Variants in BRD9 observed in about 807,000 individuals in gnomAD.
BRD9 encodes the protein bromodomain containing 9, also known as bromodomain-containing protein 9.
A neutral mutation model predicts 68.7 loss-of-function variants in BRD9; 47 were observed. That is an observed-to-expected ratio of 0.68 (90% CI 0.54 to 0.87). The LOEUF is 0.87. Ranked by LOEUF, BRD9 falls within the 40% of genes least tolerant of loss-of-function variation. The pLI, the probability that BRD9 is intolerant of heterozygous loss-of-function variation, is 0.00. For missense variants in BRD9, 670 were observed against 748.4 expected (o/e 0.90, Z 1.22); for synonymous variants, 313 against 293.9 (o/e 1.06, Z -0.67).
At chr5:877,464 C>T (rs1186906968) in intron 11 of BRD9, among the ~76,000 whole-genome samples, 1 of 152,184 alleles carries the variant, frequency 6.6e-6, no homozygotes, top group African/African-American at 2.4e-5. Flanking sequence ...ATTTTTAAAA[C>T]ATATTCTGCA....
intron 15 of BRD9, 68 bp from the exon 16 acceptor site, chr5:864,636 G>T: frequency 7.0e-7 from 1 of 1,433,628 alleles, no homozygotes; most frequent in Non-Finnish European, 9.7e-7. Flanking sequence ...GGCTCCTGGA[G>T]CCCAAGGTCT....
chr5:878,123 C>A (rs1751240262), intron 11 of BRD9, among the ~76,000 whole-genome samples: 1 of 152,208 alleles, frequency 6.6e-6, no homozygotes, highest in Admixed American at 6.5e-5. Flanking sequence ...CCCCCAACCC[C>A]TTCACAAGCT....
intron 8 of BRD9, chr5:883,663 AGCCTGCAGCAGG>A (rs1032182354): frequency 1.9e-6 from 1 of 528,266 alleles, no homozygotes; most frequent in Non-Finnish European, 3.4e-6. Context: ...AGAAAGGATT[AGCCTGCAGCAGG>A]GCCTCCATCA....
rs561178850 is a variant in BRD9 at position 873,685 on chromosome 5, G to A, written c.1384-2121C>T. 2.6e-4 allele frequency among the ~76,000 whole-genome samples: 39 copies of A among 152,242 alleles called. 1 individual carries two copies. In the South Asian group the frequency reaches 5.0e-3, roughly 19 times the overall value. The stretch of plus-strand genomic sequence containing the variant: ...TGCTTGGCGCCCTGCAAATACACAC[G>A]TCCTTTCTATGACAAAACCTCGGCA... On this transcript the variant is annotated intron_variant, in intron 12 of 15. Transcript: ENST00000467963.
At position 865,517 on chromosome 5, in the gene BRD9, G is replaced by C. The variant is rs1177156181; in HGVS notation, c.1590C>G (p.Leu530=). 1 of 1,607,672 alleles carries C rather than the reference G, an allele frequency of 6.2e-7. No homozygotes were observed. The highest frequency in any genetic ancestry group is 2.2e-5 in the East Asian group (1 of 44,834). The change falls in exon 15 of 16, where the codon CTC becomes CTG. Residue 530 remains leucine, a synonymous_variant. Coordinates refer to ENST00000467963, the MANE Select transcript of BRD9 (RefSeq NM_023924.5). ...CCTGTGCTTCGTGCAGGTCCTGCAG[G>C]AGCTTCGTCGTCTCATCCAAGTTCA... is the stretch of plus-strand genomic sequence containing the variant. ...SHLNLDETTK[L]LQDLHEAQAE...
intron 5 of BRD9, 88 bp from the exon 6 acceptor site, chr5:887,559 A>G (rs1239259896): frequency 9.2e-6 from 9 of 973,570 alleles, no homozygotes; most frequent in Admixed American, 1.9e-5. Context: ...ACCAAAAGGA[A>G]AAAGCTACAA....
chr5:883,928 A>G lies in BRD9; in HGVS notation c.966+10T>C. 1 of 1,607,884 alleles carries G rather than the reference A, an allele frequency of 6.2e-7. No homozygotes were observed. The highest frequency in any genetic ancestry group is 8.5e-7 in the Non-Finnish European group (1 of 1,178,394). On this transcript the variant is annotated intron_variant, in intron 8 of 15. Transcript: ENST00000467963. ...CGTGGCACCCTCTCTCGGTGGCCAC[A>G]GAGCACTACCTTGCCGCCTGGGAGG...
At chr5:890,017 G>A (rs1274061511) in intron 3 of BRD9, 1 of 342,050 alleles carries the variant, frequency 2.9e-6, no homozygotes, top group East Asian at 7.5e-5. Flanking sequence ...TTTCACTTGA[G>A]GTCCCTTAAA....
chr5:887,568 A>G (rs1560927101), intron 5 of BRD9, 97 bp from the exon 6 acceptor site: 1 of 906,040 alleles, frequency 1.1e-6, no homozygotes, highest in East Asian at 2.4e-5. Flanking sequence ...AAAAAGCTAC[A>G]ATCGAGTAGA....
At chr5:875,983 G>T in intron 12 of BRD9, 118 bp downstream of exon 12, 1 of 672,822 alleles carries the variant, frequency 1.5e-6, no homozygotes. Context: ...CGAGGAGCCG[G>T]CAGCAGAGTC....
chr5:886,747 C>T, intron 6 of BRD9, 40 bp from the exon 7 acceptor site: 1 of 1,613,538 alleles, frequency 6.2e-7, no homozygotes, highest in South Asian at 1.1e-5. Flanking sequence ...ACATGCTGCG[C>T]TTCAAAGCTA....
At chr5:886,888 G>A (rs1238001532) in intron 6 of BRD9, 181 bp from the exon 7 acceptor site, 12 of 1,110,744 alleles carry the variant, frequency 1.1e-5, no homozygotes, top group African/African-American at 6.3e-5. Context: ...AACTTTCCAC[G>A]GCGGAGCAGC....
chr5:880,576 G>A (rs1490940212), intron 9 of BRD9, among the ~76,000 whole-genome samples: 4 of 152,236 alleles, frequency 2.6e-5, no homozygotes, highest in Middle Eastern at 3.4e-3. Context: ...GCCCGCGAGT[G>A]CGTTTCAAAC....
At chr5:889,242 G>A in intron 4 of BRD9, 77 bp from the exon 5 acceptor site, 2 of 1,451,404 alleles carry the variant, frequency 1.4e-6, no homozygotes, top group Non-Finnish European at 1.9e-6. Context: ...CCAAAAATTG[G>A]ATACAACTGA....
chr5:866,156 C>T (rs1479712563), intron 14 of BRD9: 1 of 152,380 alleles, frequency 6.6e-6, no homozygotes, highest in Non-Finnish European at 1.5e-5. Context: ...CCAGCTTCAC[C>T]CTCCCCGGGG....
At chr5:889,311 G>GT in intron 4 of BRD9, 146 bp from the exon 5 acceptor site, 3 of 985,226 alleles carry the variant, frequency 3.0e-6, no homozygotes, top group Non-Finnish European at 4.4e-6. Context: ...TATTGTGATA[G>GT]GTATTTCAGA....
At chr5:885,950 C>A (rs73733970) in intron 7 of BRD9, among the ~76,000 whole-genome samples, 5,727 of 152,228 alleles carry the variant, frequency 0.038, 341 homozygotes, top group African/African-American at 0.13. Context: ...AGACAAAGAG[C>A]CCCCATGAAA....
At chr5:869,752 G>T (rs10072895) in intron 14 of BRD9, among the ~76,000 whole-genome samples, 2,856 of 152,306 alleles carry the variant, frequency 0.019, 88 homozygotes, top group African/African-American at 0.065. Flanking sequence ...GGAAATCTCT[G>T]AATCCACCAA....
chr5:875,948 G>A (rs892526583), intron 12 of BRD9, among the ~76,000 whole-genome samples, 153 bp downstream of exon 12: 4 of 152,326 alleles, frequency 2.6e-5, no homozygotes, highest in African/African-American at 4.8e-5. Context: ...ACACCTGCCC[G>A]TGCAGAGAAG....
Sources: gnomAD v4.1 joint callset for allele counts (sites outside exome capture counted in the v4.1 genomes callset) on GRCh38, gnomAD v4.1.1 for gene constraint, MANE v1.5 for transcripts, NCBI Gene and HGNC (gene_info 2026-07-23, HGNC 2026-07-21) for gene names.